PIP4K2A: variants seen among roughly 807,000 people sequenced by gnomAD.
The protein encoded by PIP4K2A is phosphatidylinositol-5-phosphate 4-kinase type 2 alpha, also known as phosphatidylinositol 5-phosphate 4-kinase type-2 alpha.
In PIP4K2A, 14 loss-of-function variants were observed where a neutral mutation model predicts 42.9. That is an observed-to-expected ratio of 0.33 (90% CI 0.22 to 0.51). The LOEUF is 0.51. Ranked by LOEUF, PIP4K2A falls within the 20% of genes least tolerant of loss-of-function variation. The probability of loss-of-function intolerance (pLI) is 0.97; values close to 1 mark genes in which losing one functional copy is unlikely to be tolerated. For synonymous variants in PIP4K2A, 192 were observed against 192.2 expected (o/e 1.00, Z 0.01); for missense variants, 434 against 519.8 (o/e 0.83, Z 1.61).
chr10:22,586,804 T>G (rs1837406231), intron 4 of PIP4K2A, among the ~76,000 whole-genome samples: 1 of 152,190 alleles, frequency 6.6e-6, no homozygotes, highest in Non-Finnish European at 1.5e-5. Flanking sequence ...GTGCTGGGAT[T>G]ACAGACGTGA....
chr10:22,656,802 A>T (rs997464236), intron 1 of PIP4K2A, among the ~76,000 whole-genome samples: 1 of 151,960 alleles, frequency 6.6e-6, no homozygotes, highest in Admixed American at 6.6e-5. Context: ...CATCTCAAAA[A>T]AAAAAAAAAA....
At chr10:22,645,646 C>T (rs775766049) in intron 1 of PIP4K2A, among the ~76,000 whole-genome samples, 5 of 146,230 alleles carry the variant, frequency 3.4e-5, no homozygotes, top group Admixed American at 1.4e-4. Context: ...GTTAAAGTAA[C>T]AAGTGGAAAA....
intron 6 of PIP4K2A, among the ~76,000 whole-genome samples, chr10:22,551,898 C>G (rs944553019): frequency 2.0e-5 from 3 of 152,224 alleles, no homozygotes; most frequent in Non-Finnish European, 4.4e-5. Flanking sequence ...CATGCTCGAA[C>G]TGTTCACTTC....
At chr10:22,582,949 T>TAACAA (rs1837312867) in intron 4 of PIP4K2A, among the ~76,000 whole-genome samples, 1 of 133,230 alleles carries the variant, frequency 7.5e-6, no homozygotes, top group Admixed American at 7.3e-5. Flanking sequence ...ATAACAAATA[T>TAACAA]AACAAAACAA....
intron 1 of PIP4K2A, among the ~76,000 whole-genome samples, chr10:22,664,999 AAC>A (rs1491499269): frequency 6.7e-6 from 1 of 148,782 alleles, no homozygotes; most frequent in African/African-American, 2.5e-5. Flanking sequence ...TAAGGAAAAA[AAC>A]ATAACATTAT....
intron 1 of PIP4K2A, among the ~76,000 whole-genome samples, chr10:22,652,179 A>C (rs572744293): frequency 6.6e-6 from 1 of 151,716 alleles, no homozygotes; most frequent in Admixed American, 6.6e-5. Flanking sequence ...GTGCAGCGGC[A>C]TGGTCTTGGC....
chr10:22,670,256 G>A (rs1839424223), intron 1 of PIP4K2A, among the ~76,000 whole-genome samples: 1 of 152,166 alleles, frequency 6.6e-6, no homozygotes, highest in Non-Finnish European at 1.5e-5. Flanking sequence ...GTGCGCCCCT[G>A]TAGTCCCACC....
chr10:22,614,010 G>A (rs1838113779), intron 1 of PIP4K2A, among the ~76,000 whole-genome samples: 2 of 152,242 alleles, frequency 1.3e-5, no homozygotes, highest in Non-Finnish European at 1.5e-5. Flanking sequence ...GCTGAAGCCA[G>A]ACAACAAGTG....
At position 22,678,511 on chromosome 10, in the gene PIP4K2A, AAAAT is replaced by A. The variant is rs372179605; in HGVS notation, c.144+35668_144+35671del. Among the ~76,000 whole-genome samples, 24 of 152,240 alleles carry A rather than the reference AAAAT, an allele frequency of 1.6e-4. No individual in the cohort carries two copies. The South Asian group carries it at 2.3e-3, about 14-fold the overall frequency. ...TGTTTTACTTCCTTGAAGACAGTAA[AAAAT>A]AAATAAATAAATAAATAAAAATAAG... is the stretch of plus-strand genomic sequence containing the variant. On this transcript the variant is annotated intron_variant, in intron 1 of 9. Coordinates refer to ENST00000376573, the MANE Select transcript of PIP4K2A (RefSeq NM_005028.5).
chr10:22,677,966 C>T (rs1480614283), intron 1 of PIP4K2A, among the ~76,000 whole-genome samples: 2 of 152,162 alleles, frequency 1.3e-5, no homozygotes, highest in East Asian at 1.9e-4. Context: ...TCTAAAAATA[C>T]GAAAACACTC....
At chr10:22,628,284 TTG>T (rs928662284) in intron 1 of PIP4K2A, among the ~76,000 whole-genome samples, 56 of 152,328 alleles carry the variant, frequency 3.7e-4, no homozygotes, top group African/African-American at 1.3e-3. Flanking sequence ...TTTGAAGAAG[TTG>T]TTTGTTTTTG....
At chr10:22,547,343 A>T (rs1836282107) in intron 7 of PIP4K2A, among the ~76,000 whole-genome samples, 1 of 152,214 alleles carries the variant, frequency 6.6e-6, no homozygotes, top group African/African-American at 2.4e-5. Context: ...TTTATGTCAG[A>T]GTAGTTAAGG....
At chr10:22,660,639 G>A (rs1439291368) in intron 1 of PIP4K2A, among the ~76,000 whole-genome samples, 1 of 152,060 alleles carries the variant, frequency 6.6e-6, no homozygotes, top group African/African-American at 2.4e-5. Context: ...CACAAAAGAT[G>A]AGATTTATAC....
intron 1 of PIP4K2A, among the ~76,000 whole-genome samples, chr10:22,680,333 T>C (rs988220712): frequency 1.3e-5 from 2 of 152,234 alleles, no homozygotes; most frequent in Admixed American, 1.3e-4. Flanking sequence ...ATCGTGATTA[T>C]CTTTAGATGG....
intron 4 of PIP4K2A, among the ~76,000 whole-genome samples, chr10:22,574,299 A>C (rs1362479873): frequency 6.6e-6 from 1 of 152,246 alleles, no homozygotes; most frequent in Non-Finnish European, 1.5e-5. Context: ...ACACGTGTGC[A>C]ATCTCCAGGA....
chr10:22,578,093 G>A (rs995286402), intron 4 of PIP4K2A, among the ~76,000 whole-genome samples: 2 of 152,166 alleles, frequency 1.3e-5, no homozygotes, highest in South Asian at 2.1e-4. Flanking sequence ...ATAAAATGAT[G>A]CAAATGTGGT....
chr10:22,576,902 C>T (rs1411174638), intron 4 of PIP4K2A, among the ~76,000 whole-genome samples: 1 of 151,894 alleles, frequency 6.6e-6, no homozygotes, highest in African/African-American at 2.4e-5. Context: ...AGCGAAACCT[C>T]GTCTCTGCTA....
At chr10:22,622,929 G>C (rs1479886584) in intron 1 of PIP4K2A, among the ~76,000 whole-genome samples, 1 of 152,140 alleles carries the variant, frequency 6.6e-6, no homozygotes, top group African/African-American at 2.4e-5. Context: ...AAAAAAAGAA[G>C]GATGAGGGGA....
intron 1 of PIP4K2A, among the ~76,000 whole-genome samples, chr10:22,627,033 ATAAT>A (rs1361476305): frequency 5.3e-5 from 8 of 152,188 alleles, no homozygotes; most frequent in South Asian, 2.1e-4. Context: ...TTTTGCATAA[ATAAT>A]TCTCTCTTCT....
Sources: allele counts gnomAD v4.1 joint callset (sites outside exome capture counted in the v4.1 genomes callset), GRCh38; gene constraint gnomAD v4.1.1; transcripts MANE v1.5; gene names NCBI Gene and HGNC (gene_info 2026-07-23, HGNC 2026-07-21).